Variants in RABGAP1L observed in about 807,000 individuals in gnomAD.
RABGAP1L encodes rab GTPase-activating protein 1-like.
RABGAP1L carries 63 observed loss-of-function variants against 137.7 expected under a neutral mutation model. That is an observed-to-expected ratio of 0.46 (90% CI 0.37 to 0.56). RABGAP1L has a LOEUF of 0.56. Among genes scored for constraint, RABGAP1L ranks in the 20% least tolerant of loss-of-function variants. The probability of loss-of-function intolerance (pLI) is 0.00; values close to 1 mark genes in which losing one functional copy is unlikely to be tolerated. For synonymous variants in RABGAP1L, 431 were observed against 433.7 expected, an observed-to-expected ratio of 0.99 and a Z score of 0.08; for missense variants, 1,095 against 1,244.0, an observed-to-expected ratio of 0.88 and a Z score of 1.80.
chr1:174,859,834 C>T (rs1649970812), intron 19 of RABGAP1L, among the ~76,000 whole-genome samples: 1 of 143,526 alleles, frequency 7.0e-6, no homozygotes, highest in Non-Finnish European at 1.5e-5. Context: ...ACACATGTAC[C>T]CCTGAACTTA....
chr1:174,448,313 G>A lies in RABGAP1L; in HGVS notation c.1710+54168G>A. On this transcript the variant is annotated intron_variant, in intron 13 of 25. Coordinates refer to ENST00000681986, the MANE Select transcript of RABGAP1L (RefSeq NM_001366446.1). This position sits in a 1 kb window ranked among gnomAD's most constrained non-coding sequence, Gnocchi z 4.2. ...AACAGTTATCTTTGTCTTTCATTGTGCTCCACTGTTACATCATTATACTAC... is the reference window on the plus strand; with the variant it reads ...AACAGTTATCTTTGTCTTTCATTGTACTCCACTGTTACATCATTATACTAC... 1.2e-6 allele frequency: 2 copies of A among 1,612,886 alleles called. No homozygotes were observed. Among genetic ancestry groups the A allele is most frequent in the African/African-American group, 1.3e-5 (1 of 74,994 alleles).
intron 12 of RABGAP1L, among the ~76,000 whole-genome samples, chr1:174,380,574 G>GT (rs1182388434): frequency 6.6e-6 from 1 of 152,010 alleles, no homozygotes; most frequent in Non-Finnish European, 1.5e-5. Flanking sequence ...GTTTATTTGC[G>GT]TAGAGGTGTT....
chr1:174,740,762 T>A (rs1683327490), intron 17 of RABGAP1L, among the ~76,000 whole-genome samples: 1 of 152,188 alleles, frequency 6.6e-6, no homozygotes, highest in Non-Finnish European at 1.5e-5. Context: ...ATAATAGGGA[T>A]TCTGGCTGAG....
intron 21 of RABGAP1L, among the ~76,000 whole-genome samples, chr1:174,970,159 T>G (rs1670013600): frequency 6.6e-6 from 1 of 152,106 alleles, no homozygotes; most frequent in East Asian, 1.9e-4. Context: ...GCCCACCCAT[T>G]TGGAAGCTGT....
intron 13 of RABGAP1L, among the ~76,000 whole-genome samples, chr1:174,635,233 C>A (rs987419126): frequency 6.6e-6 from 1 of 152,138 alleles, no homozygotes; most frequent in African/African-American, 2.4e-5. Flanking sequence ...CCAACGATTT[C>A]TCTCTCTTAA....
chr1:174,598,906 A>G (rs1049030219), intron 13 of RABGAP1L, among the ~76,000 whole-genome samples: 20 of 151,880 alleles, frequency 1.3e-4, no homozygotes, highest in African/African-American at 4.4e-4. Context: ...CTTACATTCA[A>G]TATTGTTATT....
chr1:174,278,457 CT>C (rs1344159323), intron 9 of RABGAP1L, among the ~76,000 whole-genome samples, 155 bp from the exon 10 acceptor site: 2 of 152,096 alleles, frequency 1.3e-5, no homozygotes, highest in Non-Finnish European at 2.9e-5. Context: ...TACTTGCATA[CT>C]TATTTAATCA....
intron 19 of RABGAP1L, among the ~76,000 whole-genome samples, chr1:174,931,950 T>G (rs2149261606): frequency 6.7e-6 from 1 of 148,752 alleles, no homozygotes; most frequent in South Asian, 2.1e-4. Context: ...ACCATTAAAA[T>G]AAGATTTAAA....
chr1:174,364,796 G>A (rs557246434), intron 11 of RABGAP1L, among the ~76,000 whole-genome samples: 14 of 152,254 alleles, frequency 9.2e-5, no homozygotes, highest in Non-Finnish European at 1.6e-4. Flanking sequence ...TACTCCATGG[G>A]TATCAGTGGT....
chr1:174,905,884 A>G (rs960967246), intron 19 of RABGAP1L, among the ~76,000 whole-genome samples: 1 of 152,010 alleles, frequency 6.6e-6, no homozygotes, highest in African/African-American at 2.4e-5. Context: ...AAGAAAATAC[A>G]TGGAGGAGAA....
In RABGAP1L at chr1:174,292,019, T is replaced by TTTTTTATTATTA. The variant is rs372810832; in HGVS notation, c.1324-12965_1324-12964insTTTATTATTATT. Among the ~76,000 whole-genome samples the TTTTTTATTATTA allele has an allele frequency of 2.7e-4, 37 of 139,036 alleles. No homozygotes were observed. The Middle Eastern group carries it at 0.011, about 41-fold the overall frequency. 91.2% of individuals were successfully genotyped at this position (139,036 alleles called of 152,430 possible). On this transcript the variant is annotated intron_variant, in intron 10 of 25. Transcript: ENST00000681986. Reference sequence around the variant, plus strand: ...CTGGCTTCATGTGAAGATTAGATCATTTATTATTATTATTATTATTATTAT... The same window carrying TTTTTTATTATTA: ...CTGGCTTCATGTGAAGATTAGATCATTTTTTATTATTATTATTATTATTATTATTATTATTAT...
At chr1:174,844,965 G>T (rs1396515288) in intron 19 of RABGAP1L, among the ~76,000 whole-genome samples, 1 of 135,862 alleles carries the variant, frequency 7.4e-6, no homozygotes, top group East Asian at 2.2e-4. Context: ...GGATTCCTAG[G>T]TATTTTATTC....
intron 17 of RABGAP1L, among the ~76,000 whole-genome samples, chr1:174,718,865 G>C (rs1370246912): frequency 7.5e-6 from 1 of 133,650 alleles, no homozygotes; most frequent in Non-Finnish European, 1.6e-5. Flanking sequence ...TTGAGACAGA[G>C]TTTCGCTCTT....
At chr1:174,701,588 C>CA (rs1277062592) in intron 16 of RABGAP1L, among the ~76,000 whole-genome samples, 2 of 151,718 alleles carry the variant, frequency 1.3e-5, no homozygotes, top group East Asian at 3.9e-4. Flanking sequence ...GTAAAAAATA[C>CA]AAAAAATAAT....
At chr1:174,272,777 A>G (rs1253863644) in intron 8 of RABGAP1L, among the ~76,000 whole-genome samples, 1 of 152,008 alleles carries the variant, frequency 6.6e-6, no homozygotes, top group Non-Finnish European at 1.5e-5. Flanking sequence ...TAACAAGTAC[A>G]TGATTATAAC....
At chr1:174,897,194 A>T (rs948453035) in intron 19 of RABGAP1L, 1 of 152,024 alleles carries the variant, frequency 6.6e-6, no homozygotes, top group Non-Finnish European at 1.5e-5. Flanking sequence ...ATTCTCTTTG[A>T]AGCAATTGTG....
chr1:174,487,527 G>C (rs895131418), intron 13 of RABGAP1L, among the ~76,000 whole-genome samples: 1 of 152,094 alleles, frequency 6.6e-6, no homozygotes, highest in East Asian at 1.9e-4. Context: ...TTTAGGTAAA[G>C]TGTTTTTCTT....
chr1:174,286,880 C>G (rs150718069), intron 10 of RABGAP1L, among the ~76,000 whole-genome samples: 3 of 151,882 alleles, frequency 2.0e-5, no homozygotes, highest in Admixed American at 6.6e-5. Flanking sequence ...TAGTTTTATA[C>G]CATTGTGGTC....
At chr1:174,460,820 A>G (rs1454351339) in intron 13 of RABGAP1L, among the ~76,000 whole-genome samples, 1 of 152,060 alleles carries the variant, frequency 6.6e-6, no homozygotes, top group Non-Finnish European at 1.5e-5. Flanking sequence ...TTTCTTCCCT[A>G]CACTAAAACA....
Sources: gnomAD v4.1 joint callset for allele counts (sites outside exome capture counted in the v4.1 genomes callset) on GRCh38, gnomAD v4.1.1 for gene constraint, Gnocchi (gnomAD v3.1) non-coding constraint, MANE v1.5 for transcripts, NCBI Gene and HGNC (gene_info 2026-07-23, HGNC 2026-07-21) for gene names.